ODAD3: variants seen among roughly 807,000 people sequenced by gnomAD.
ODAD3 encodes outer dynein arm-docking complex subunit 3.
A neutral mutation model predicts 70.9 loss-of-function variants in ODAD3; 57 were observed. The ratio of observed to expected loss-of-function variants is 0.80; its 90% CI spans 0.65 to 1.00. The LOEUF (loss-of-function observed/expected upper bound fraction) is 1.00, where lower values mean the gene tolerates loss of function less well. ODAD3 is among the 50% of genes least tolerant of loss of function. The pLI, the probability that ODAD3 is intolerant of heterozygous loss-of-function variation, is 0.00. For missense variants in ODAD3, 797 were observed against 763.9 expected (o/e 1.04, Z -0.51); for synonymous variants, 327 against 315.9 (o/e 1.04, Z -0.37).
chr19:11,427,838 C>T (rs956797059), intron 3 of ODAD3, among the ~76,000 whole-genome samples: 4 of 151,600 alleles, frequency 2.6e-5, no homozygotes, highest in Non-Finnish European at 5.9e-5. Flanking sequence ...CGGTGGCTCC[C>T]GCCTGTAATC....
rs1969157289 is a variant in ODAD3, at chr19:11,422,343, C to T, written c.1434+128G>A. The T allele has an allele frequency of 4.2e-6, 5 of 1,198,666 alleles. No individual in the cohort carries two copies. The highest frequency in any genetic ancestry group is 1.6e-5 in the African/African-American group (1 of 64,360). 74.3% of individuals were successfully genotyped at this position (1,198,666 alleles called of 1,614,324 possible). The stretch of plus-strand genomic sequence containing the variant: ...CTTCCCCTGTGGGCGGGGCCTCTGA[C>T]GTCCGGGACAGAGGATGTGGCAGGC... On this transcript the variant is annotated intron_variant, in intron 10 of 12. Coordinates refer to ENST00000356392, the MANE Select transcript of ODAD3 (RefSeq NM_145045.5). The surrounding 1 kb of genome is among the most constrained non-coding windows in gnomAD (Gnocchi z 4.6).
chr19:11,424,632 T>C (rs1418748072), intron 7 of ODAD3, among the ~76,000 whole-genome samples: 3 of 114,772 alleles, frequency 2.6e-5, no homozygotes, highest in African/African-American at 8.8e-5. Flanking sequence ...TGTATATATG[T>C]ATATATGTGT....
chr19:11,422,783 A>G lies in ODAD3; in HGVS notation c.1195T>C (p.Leu399=), dbSNP rs1223972705. ...ETLKSENEQT[L]VRLKQEKQQL... ...TGCTTCTCCTGCTTCAGCCTCACCA[A>G]CGTCTGCTCGTTCTCGCTCTTGAGC... The change falls in exon 9 of 13, where the codon TTG becomes CTG. Residue 399 remains leucine, a synonymous_variant. Coordinates refer to ENST00000356392, the MANE Select transcript of ODAD3 (RefSeq NM_145045.5). This position sits in a 1 kb window ranked among gnomAD's most constrained non-coding sequence, Gnocchi z 4.6. 1.9e-6 allele frequency: 3 copies of G among 1,611,200 alleles called. No homozygotes were observed. The highest frequency in any genetic ancestry group is 2.5e-6 in the Non-Finnish European group (3 of 1,179,856).
rs918649491 is a variant in ODAD3 at position 11,421,852 on chromosome 19, G to A, written c.1435-20C>T. ...GTCCTCCTGCGGCCAGGGTAGAGCC[G>A]GGTCAGCCGAGAGGGGTGGGGCCTC... On this transcript the variant is annotated intron_variant, in intron 10 of 12. Transcript: ENST00000356392. 7 of 1,605,802 alleles carry A rather than the reference G, an allele frequency of 4.4e-6. No individual in the cohort carries two copies. The highest frequency in any genetic ancestry group is 3.4e-5 in the Admixed American group (2 of 58,966).
At position 11,421,724 on chromosome 19, in the gene ODAD3, G is replaced by C. The variant is rs1359920353; in HGVS notation, c.1543C>G (p.Gln515Glu). 1 of 1,613,302 alleles carries C rather than the reference G, an allele frequency of 6.2e-7. No individual in the cohort carries two copies. Among genetic ancestry groups the C allele is most frequent in the Non-Finnish European group, 8.5e-7 (1 of 1,180,004 alleles). ...AGCATCTCCTGCACGTCGTGGCCCT[G>C]GAGCTGCGCCTGCAGTTTCAGCAGC... The part of the protein sequence containing the change: ...EKLLKLQAQL[Q>E]GHDVQEMLCH... The change falls in exon 11 of 13, where the codon CAG becomes GAG. Residue 515 changes from glutamine (Q) to glutamate (E), a missense_variant. Coordinates refer to ENST00000356392, the MANE Select transcript of ODAD3 (RefSeq NM_145045.5).
In ODAD3 at chr19:11,422,294, G is replaced by A. The variant is rs1969156049; in HGVS notation, c.1434+177C>T. Among the ~76,000 whole-genome samples, 1 of 151,996 alleles carries A rather than the reference G, an allele frequency of 6.6e-6. No individual in the cohort carries two copies. Among genetic ancestry groups the A allele is most frequent in the African/African-American group, 2.4e-5 (1 of 41,408 alleles). On this transcript the variant is annotated intron_variant, in intron 10 of 12. Transcript: ENST00000356392. The surrounding 1 kb of genome is among the most constrained non-coding windows in gnomAD (Gnocchi z 4.6). ...AGAGCTTCCCCAGGGAGGTGGGGCG[G>A]GGACTCTGAGGAATGGGGTGGGGCT... is the stretch of plus-strand genomic sequence containing the variant.
chr19:11,427,809 A>C (rs1969417114), intron 3 of ODAD3, among the ~76,000 whole-genome samples: 1 of 151,424 alleles, frequency 6.6e-6, no homozygotes, highest in Non-Finnish European at 1.5e-5. Flanking sequence ...TTCTTTTAAA[A>C]AATGTTTTAG....
At position 11,421,792 on chromosome 19, in the gene ODAD3, G is replaced by A. The variant is rs375020489; in HGVS notation, c.1475C>T (p.Ala492Val). 6.2e-7 allele frequency: 1 copy of A among 1,613,162 alleles called. No homozygotes were observed. The highest frequency in any genetic ancestry group is 8.5e-7 in the Non-Finnish European group (1 of 1,179,976). The stretch of plus-strand genomic sequence containing the variant: ...CAGCAGGTTTGGCACATAGTTATCT[G>A]CCTGGGGATCCAGCTCCTTTCCCGC... Reference protein sequence around the residue: ...RFAGKELDPQADNYVPNLLGL... With the variant: ...RFAGKELDPQVDNYVPNLLGL... The change falls in exon 11 of 13, where the codon GCA (alanine) becomes GTA (valine). Residue 492 changes from alanine (A) to valine (V), a missense_variant. By Grantham distance (64) the Ala-to-Val change is moderately conservative (BLOSUM62 0). Coordinates refer to ENST00000356392, the MANE Select transcript of ODAD3 (RefSeq NM_145045.5).
At chr19:11,435,231 A>C, upstream of ODAD3, 2 of 1,399,156 alleles carry the variant, frequency 1.4e-6, no homozygotes, top group Non-Finnish European at 1.9e-6. Context: ...CGTGGCTGAC[A>C]CTGCGTTCTC....
chr19:11,431,241 A>G, intron 1 of ODAD3: 1 of 531,078 alleles, frequency 1.9e-6, no homozygotes, highest in Non-Finnish European at 3.3e-6. Context: ...CCTCCCAAGT[A>G]GCTGGGATTA....
At chr19:11,428,858 ATTTTTTATTTAT>A (rs1159968118) in intron 3 of ODAD3, among the ~76,000 whole-genome samples, 2,883 of 143,222 alleles carry the variant, frequency 0.02, 29 homozygotes, top group Middle Eastern at 0.04. Flanking sequence ...ACTGTGTTTT[ATTTTTTATTTAT>A]TTATTTATTT....
chr19:11,421,305 T>C (rs775519605), intron 11 of ODAD3, 93 bp from the exon 12 acceptor site: 1 of 1,180,552 alleles, frequency 8.5e-7, no homozygotes, highest in Non-Finnish European at 1.2e-6. Context: ...CATTCCGAGA[T>C]ATGCCCTAGT....
intron 1 of ODAD3, 181 bp downstream of exon 1, chr19:11,434,592 G>A: frequency 1.6e-6 from 1 of 643,696 alleles, no homozygotes; most frequent in Non-Finnish European, 2.6e-6. Context: ...GTACAGTTCA[G>A]TCGGTTCTGA....
intron 3 of ODAD3, 88 bp downstream of exon 3, chr19:11,430,611 G>T: frequency 8.3e-7 from 1 of 1,204,436 alleles, no homozygotes; most frequent in Non-Finnish European, 1.2e-6. Flanking sequence ...TAGTGTGCAG[G>T]AAGGATTGGA....
chr19:11,426,956 G>T lies in ODAD3; in HGVS notation c.529C>A (p.Arg177=), dbSNP rs1415686356. 4 of 1,608,474 alleles carry T rather than the reference G, an allele frequency of 2.5e-6. No individual in the cohort carries two copies. ...LRHQVVLRQR[R]LEELQLQHSL... ...TGCTGCAGCTGGAGCTCCTCCAGCCGCCTCTGCCGCAACACCACCTGGTGC... is the reference window on the plus strand; with the variant it reads ...TGCTGCAGCTGGAGCTCCTCCAGCCTCCTCTGCCGCAACACCACCTGGTGC... Residue 177 remains arginine (R), a synonymous_variant, in exon 4 of 13, where the codon CGG becomes AGG. Transcript: ENST00000356392.
chr19:11,423,718 G>A (rs913106185), intron 8 of ODAD3, among the ~76,000 whole-genome samples, 159 bp downstream of exon 8: 4 of 151,950 alleles, frequency 2.6e-5, no homozygotes, highest in African/African-American at 9.7e-5. Context: ...GCTGGAGGGG[G>A]AAGGGATGTT....
At chr19:11,425,527 GTA>G (rs1297172744) in intron 7 of ODAD3, among the ~76,000 whole-genome samples, 17 of 140,156 alleles carry the variant, frequency 1.2e-4, no homozygotes, top group East Asian at 1.2e-3. Flanking sequence ...ATGTATATAT[GTA>G]TATATGTGTG....
chr19:11,432,417 T>G (rs1366694004), intron 1 of ODAD3, among the ~76,000 whole-genome samples: 2 of 151,802 alleles, frequency 1.3e-5, no homozygotes, highest in African/African-American at 4.8e-5. Flanking sequence ...TCTGGCTACT[T>G]TATTTTTTGT....
rs773649555 is a variant in ODAD3, at chr19:11,430,978, A to G, written c.287T>C (p.Ile96Thr). Residue 96 changes from isoleucine (I) to threonine (T), a missense_variant, in exon 2 of 13, where the codon ATC becomes ACC. Physicochemically the swap from Ile to Thr is moderately conservative, Grantham distance 89. Transcript: ENST00000356392. ...ACTGATGGTCTCCTGGTTCTTCTTG[A>G]TGTTCCACTGAGAGCTCTCAAAAAA... is the stretch of plus-strand genomic sequence containing the variant. ...KAFFESSQWN[I>T]KKNQETISQL... The G allele has an allele frequency of 2.5e-6, 4 of 1,613,946 alleles. No homozygotes were observed. Among genetic ancestry groups the G allele is most frequent in the Non-Finnish European group, 2.5e-6 (3 of 1,180,008 alleles).
Sources: allele counts gnomAD v4.1 joint callset (sites outside exome capture counted in the v4.1 genomes callset), GRCh38; gene constraint gnomAD v4.1.1; non-coding constraint Gnocchi (gnomAD v3.1); transcripts MANE v1.5; gene names NCBI Gene and HGNC (gene_info 2026-07-23, HGNC 2026-07-21).